Variants in PCDH15 observed in about 807,000 individuals in gnomAD.
The protein encoded by PCDH15 is protocadherin-15.
Under a neutral mutation model 178.5 loss-of-function variants are expected in PCDH15, and 129 were observed. The ratio of observed to expected loss-of-function variants is 0.72; its 90% CI spans 0.63 to 0.84. The LOEUF is 0.84. Ranked by LOEUF, PCDH15 falls within the 40% of genes least tolerant of loss-of-function variation. PCDH15 has a pLI of 0.00. For missense variants in PCDH15, 2,230 were observed against 2,099.9 expected, an observed-to-expected ratio of 1.06 and a Z score of -1.21; for synonymous variants, 800 against 732.0, an observed-to-expected ratio of 1.09 and a Z score of -1.50.
intron 1 of PCDH15, among the ~76,000 whole-genome samples, chr10:55,293,565 C>G (rs1047727958): frequency 6.6e-6 from 1 of 152,182 alleles, no homozygotes; most frequent in South Asian, 2.1e-4. Flanking sequence ...GCACCCAAGT[C>G]ACATCTTGAA....
chr10:55,069,885 G>C (rs1417565146), intron 2 of PCDH15, among the ~76,000 whole-genome samples: 5 of 152,176 alleles, frequency 3.3e-5, no homozygotes, highest in South Asian at 2.1e-4. Context: ...CTAGTTTACA[G>C]TCCCACCAAC....
At chr10:54,656,776 G>C (rs1242828124) in intron 2 of PCDH15, among the ~76,000 whole-genome samples, 1 of 152,158 alleles carries the variant, frequency 6.6e-6, no homozygotes, top group Non-Finnish European at 1.5e-5. Flanking sequence ...AGCCTGCCTT[G>C]AGAGAAAGGA....
chr10:55,130,037 CT>C (rs1409797651), intron 2 of PCDH15, among the ~76,000 whole-genome samples: 4 of 152,090 alleles, frequency 2.6e-5, no homozygotes, highest in African/African-American at 9.7e-5. Flanking sequence ...AATTTGCCAT[CT>C]TTTTCAGCTG....
intron 2 of PCDH15, among the ~76,000 whole-genome samples, chr10:55,403,060 C>T (rs960280994): frequency 2.0e-5 from 3 of 151,952 alleles, no homozygotes; most frequent in African/African-American, 7.2e-5. Flanking sequence ...ATTTGCATTT[C>T]TCAGATAATT....
intron 2 of PCDH15, among the ~76,000 whole-genome samples, chr10:55,395,963 G>A (rs962121899): frequency 1.3e-5 from 2 of 152,102 alleles, no homozygotes; most frequent in Middle Eastern, 3.4e-3. Flanking sequence ...CCCAAAAAAT[G>A]TCATATGCTT....
At chr10:55,520,228 G>A (rs879532425) in intron 2 of PCDH15, among the ~76,000 whole-genome samples, 1 of 49,794 alleles carries the variant, frequency 2.0e-5, no homozygotes, top group African/African-American at 8.5e-5. Flanking sequence ...TACACGCAAT[G>A]TGTATATATA....
intron 27 of PCDH15, among the ~76,000 whole-genome samples, chr10:53,861,697 C>T (rs1054232592): frequency 7.9e-5 from 12 of 152,086 alleles, no homozygotes; most frequent in African/African-American, 2.9e-4. Context: ...ATGTAAAGAA[C>T]ATTTTACATA....
chr10:54,849,207 C>T (rs1953567469), intron 3 of PCDH15, among the ~76,000 whole-genome samples: 1 of 152,080 alleles, frequency 6.6e-6, no homozygotes, highest in African/African-American at 2.4e-5. Context: ...AAAAACTACG[C>T]TTTCTGAATT....
intron 3 of PCDH15, among the ~76,000 whole-genome samples, chr10:54,815,840 T>C (rs1952940578): frequency 1.3e-5 from 2 of 152,130 alleles, no homozygotes; most frequent in South Asian, 4.1e-4. Flanking sequence ...CTACTCTAAA[T>C]GTATTTTTTC....
At chr10:54,167,658 T>C (rs1488133647) in intron 13 of PCDH15, among the ~76,000 whole-genome samples, 2 of 151,572 alleles carry the variant, frequency 1.3e-5, no homozygotes, top group Non-Finnish European at 2.9e-5. Flanking sequence ...GAGGGGCAAG[T>C]ACCCCTCAAC....
intron 21 of PCDH15, among the ~76,000 whole-genome samples, chr10:53,979,118 A>G (rs938382359): frequency 2.6e-5 from 4 of 152,084 alleles, no homozygotes; most frequent in African/African-American, 9.7e-5. Context: ...TACTGTATTA[A>G]TCCGTTCTCA....
chr10:55,523,936 A>C (rs896853985), intron 2 of PCDH15, among the ~76,000 whole-genome samples: 2 of 151,676 alleles, frequency 1.3e-5, no homozygotes, highest in East Asian at 3.9e-4. Flanking sequence ...CATTCTTTTC[A>C]CTATACCCTG....
chr10:54,386,100 TTGTGTGTG>T (rs60205554), intron 3 of PCDH15, among the ~76,000 whole-genome samples: 49,046 of 139,702 alleles, frequency 0.35, 9,714 homozygotes, highest in Middle Eastern at 0.47. Context: ...TAGTTATTAG[TTGTGTGTG>T]TGTGTGTGTG....
chr10:55,563,750 G>A (rs1297599173), intron 2 of PCDH15, among the ~76,000 whole-genome samples: 2 of 150,722 alleles, frequency 1.3e-5, no homozygotes, highest in South Asian at 2.1e-4. Flanking sequence ...TCAAGGAAAC[G>A]ATGAACAAAA....
At chr10:55,108,172 C>T (rs1837405039) in intron 2 of PCDH15, among the ~76,000 whole-genome samples, 1 of 152,158 alleles carries the variant, frequency 6.6e-6, no homozygotes, top group South Asian at 2.1e-4. Flanking sequence ...TGCTTCTCAA[C>T]ATCCAGAACT....
Position 54,646,088 on chromosome 10 carries a change from CCT to C in PCDH15, c.91+18082_91+18083del, listed in dbSNP as rs538993875. On this transcript the variant is annotated intron_variant, in intron 2 of 37. Transcript: ENST00000644397. ...ACTACATGTTTTATCGCATGTTAAT[CCT>C]CTGTTTCTCTTTTCTTTGTTTATAT... 7.2e-3 allele frequency among the ~76,000 whole-genome samples: 1,091 copies of C among 152,116 alleles called. 11 individuals carry two copies. Among genetic ancestry groups the C allele is most frequent in the African/African-American group, 0.025 (1,036 of 41,514 alleles).
chr10:55,534,449 G>T (rs960905403), intron 2 of PCDH15, among the ~76,000 whole-genome samples: 3 of 151,646 alleles, frequency 2.0e-5, no homozygotes, highest in South Asian at 2.1e-4. Flanking sequence ...ATATACAGGT[G>T]ACCATCAAAC....
chr10:54,281,379 A>G (rs2132725263), intron 8 of PCDH15, among the ~76,000 whole-genome samples: 1 of 152,094 alleles, frequency 6.6e-6, no homozygotes, highest in African/African-American at 2.4e-5. Context: ...AATAGAAAAG[A>G]TTTGTGGATA....
At chr10:55,447,365 T>G (rs1839339689) in intron 2 of PCDH15, among the ~76,000 whole-genome samples, 1 of 152,050 alleles carries the variant, frequency 6.6e-6, no homozygotes, top group Non-Finnish European at 1.5e-5. Context: ...GGGTAAGAGT[T>G]GAATAAAGGC....
Sources: allele counts gnomAD v4.1 joint callset (sites outside exome capture counted in the v4.1 genomes callset), GRCh38; gene constraint gnomAD v4.1.1; transcripts MANE v1.5; gene names NCBI Gene and HGNC (gene_info 2026-07-23, HGNC 2026-07-21).